Variants in CNIH3 observed in about 807,000 individuals in gnomAD.
CNIH3 encodes cornichon family AMPA receptor auxiliary protein 3.
CNIH3 carries 14 observed loss-of-function variants against 24.1 expected under a neutral mutation model. That is an observed-to-expected ratio of 0.58 (90% CI 0.38 to 0.91). The LOEUF (loss-of-function observed/expected upper bound fraction) is 0.91, where lower values mean the gene tolerates loss of function less well. Among genes scored for constraint, CNIH3 ranks in the 40% least tolerant of loss-of-function variants. The pLI is 0.00. For missense variants in CNIH3, 178 were observed against 196.8 expected (o/e 0.90, Z 0.57); for synonymous variants, 68 against 73.8 (o/e 0.92, Z 0.40).
chr1:224,672,287 G>T (rs1279305028), intron 1 of CNIH3, among the ~76,000 whole-genome samples: 1 of 152,122 alleles, frequency 6.6e-6, no homozygotes, highest in African/African-American at 2.4e-5. Flanking sequence ...ATACTCGTTT[G>T]CATCTTTCAT....
intron 1 of CNIH3, among the ~76,000 whole-genome samples, chr1:224,484,848 T>C (rs1348686614): frequency 6.6e-6 from 1 of 152,222 alleles, no homozygotes; most frequent in African/African-American, 2.4e-5. Flanking sequence ...CTTCAAAAAA[T>C]ATCTTTCATG....
chr1:224,693,263 G>A (rs1215428106), intron 3 of CNIH3, among the ~76,000 whole-genome samples: 1 of 151,868 alleles, frequency 6.6e-6, no homozygotes, highest in Non-Finnish European at 1.5e-5. Flanking sequence ...CCCTAGGGCC[G>A]CAGCAGGCGA....
chr1:224,558,590 A>G (rs1680236095), intron 3 of CNIH3, among the ~76,000 whole-genome samples: 1 of 152,234 alleles, frequency 6.6e-6, no homozygotes, highest in Non-Finnish European at 1.5e-5. Flanking sequence ...TAAACAATGC[A>G]ATAAAATTCT....
intron 4 of CNIH3, among the ~76,000 whole-genome samples, chr1:224,574,101 A>G (rs1016569894): frequency 2.6e-5 from 4 of 152,174 alleles, no homozygotes; most frequent in Non-Finnish European, 4.4e-5. Context: ...TTGACATTTT[A>G]ATAGTATATT....
At chr1:224,452,242 C>T (rs1224220821) in intron 1 of CNIH3, among the ~76,000 whole-genome samples, 4 of 151,406 alleles carry the variant, frequency 2.6e-5, no homozygotes, top group East Asian at 2.0e-4. Flanking sequence ...CTTCGCCTCC[C>T]GGGTTCAAGT....
chr1:224,651,506 C>A (rs144933753), intron 1 of CNIH3, among the ~76,000 whole-genome samples: 2 of 152,114 alleles, frequency 1.3e-5, no homozygotes, highest in African/African-American at 4.8e-5. Context: ...TCAGGGTTGC[C>A]GGTGTTAGCA....
At chr1:224,687,364 C>G (rs1347615098) in intron 3 of CNIH3, among the ~76,000 whole-genome samples, 1 of 152,194 alleles carries the variant, frequency 6.6e-6, no homozygotes, top group Non-Finnish European at 1.5e-5. Flanking sequence ...TCCTGAGTAG[C>G]TGGAGCTGCA....
chr1:224,536,284 C>CTTTTTTTTT (rs373201561), intron 2 of CNIH3, among the ~76,000 whole-genome samples: 7 of 86,046 alleles, frequency 8.1e-5, no homozygotes, highest in East Asian at 4.0e-4. Flanking sequence ...TAATTGTTGT[C>CTTTTTTTTT]TTTTTTTTTT....
At chr1:224,614,315 A>G (rs1320530863), upstream of CNIH3, among the ~76,000 whole-genome samples, 1 of 152,228 alleles carries the variant, frequency 6.6e-6, no homozygotes, top group Non-Finnish European at 1.5e-5. Context: ...TGCTCTGGTC[A>G]TCAGCCTCTG....
intron 3 of CNIH3, among the ~76,000 whole-genome samples, chr1:224,558,491 GC>G (rs1292169561): frequency 6.6e-6 from 1 of 152,072 alleles, no homozygotes; most frequent in Non-Finnish European, 1.5e-5. Flanking sequence ...GTAAGAGGGT[GC>G]ATTTTCTGTA....
chr1:224,526,809 G>A (rs866637532), intron 2 of CNIH3, among the ~76,000 whole-genome samples: 3 of 152,100 alleles, frequency 2.0e-5, no homozygotes, highest in Admixed American at 1.3e-4. Context: ...TTCTGCTTCC[G>A]GGGAGGCCTC....
intron 2 of CNIH3, among the ~76,000 whole-genome samples, chr1:224,529,844 T>C (rs1187625663): frequency 6.6e-6 from 1 of 152,244 alleles, no homozygotes; most frequent in Non-Finnish European, 1.5e-5. Flanking sequence ...TGTACCTTCA[T>C]GCCCTTGTAG....
intron 1 of CNIH3, among the ~76,000 whole-genome samples, chr1:224,650,258 T>C (rs1006626170): frequency 1.3e-5 from 2 of 152,156 alleles, no homozygotes; most frequent in Non-Finnish European, 2.9e-5. Flanking sequence ...GAACCTCCAC[T>C]GTGAAGACTG....
chr1:224,547,376 T>C (rs2124959453), intron 3 of CNIH3, among the ~76,000 whole-genome samples: 1 of 151,984 alleles, frequency 6.6e-6, no homozygotes, highest in South Asian at 2.1e-4. Context: ...AGTGGCTATA[T>C]ACCCTGTGAT....
At chr1:224,444,804 C>T (rs1487446682) in intron 1 of CNIH3, among the ~76,000 whole-genome samples, 1 of 151,798 alleles carries the variant, frequency 6.6e-6, no homozygotes, top group Non-Finnish European at 1.5e-5. Flanking sequence ...GCCACCACGC[C>T]CGGCTAATTT....
intron 1 of CNIH3, among the ~76,000 whole-genome samples, chr1:224,502,954 T>C (rs1677740534): frequency 6.7e-6 from 1 of 149,916 alleles, no homozygotes; most frequent in South Asian, 2.1e-4. Flanking sequence ...GATCGGAGCT[T>C]TGGAGGGTGA....
At chr1:224,510,327 A>G (rs1678092534) in intron 1 of CNIH3, among the ~76,000 whole-genome samples, 2 of 152,120 alleles carry the variant, frequency 1.3e-5, no homozygotes, top group Non-Finnish European at 2.9e-5. Flanking sequence ...GAGTGTCAGT[A>G]GGGGCGCCCC....
intron 1 of CNIH3, among the ~76,000 whole-genome samples, chr1:224,657,136 A>G (rs562746442): frequency 1.3e-5 from 2 of 152,104 alleles, no homozygotes; most frequent in Non-Finnish European, 2.9e-5. Flanking sequence ...CCAGGGTGGT[A>G]TGGCTACCTG....
chr1:224,535,582 G>T (rs754040603), intron 2 of CNIH3, among the ~76,000 whole-genome samples: 1 of 152,298 alleles, frequency 6.6e-6, no homozygotes, highest in East Asian at 1.9e-4. Context: ...GATTTACAGC[G>T]GCTGATGGCA....
Sources: allele counts gnomAD v4.1 joint callset (sites outside exome capture counted in the v4.1 genomes callset), GRCh38; gene constraint gnomAD v4.1.1; transcripts MANE v1.5; gene names NCBI Gene and HGNC (gene_info 2026-07-23, HGNC 2026-07-21).